Variants in MKX observed in about 807,000 individuals in gnomAD.
The protein encoded by MKX is mohawk homeobox, also known as homeobox protein Mohawk.
A neutral mutation model predicts 36.0 loss-of-function variants in MKX; 13 were observed. The observed-to-expected ratio is 0.36, with a 90% CI of 0.24 to 0.57. The LOEUF (loss-of-function observed/expected upper bound fraction) is 0.57, where lower values mean the gene tolerates loss of function less well. MKX is among the 20% of genes least tolerant of loss of function. The probability of loss-of-function intolerance (pLI) is 0.79; values close to 1 mark genes in which losing one functional copy is unlikely to be tolerated. For missense variants in MKX, 458 were observed against 456.4 expected (o/e 1.00, Z -0.03); for synonymous variants, 176 against 178.3 (o/e 0.99, Z 0.10).
At position 27,734,699 on chromosome 10, in the gene MKX, T is replaced by C. The variant is rs776101097; in HGVS notation, c.595A>G (p.Lys199Glu). 3.7e-6 allele frequency: 6 copies of C among 1,614,164 alleles called. No individual in the cohort carries two copies. The Admixed American group carries it at 1.0e-4, about 27-fold the overall frequency. ...CGTGACTCTGGCCTCACTCCCGCTT[T>C]GATGACCGAATTCTCACTTTTAATC... The part of the protein sequence containing the change: ...PVIKSENSVI[K>E]AGVRPESRAS... Residue 199 changes from lysine to glutamate, a missense_variant, in exon 5 of 7, where the codon AAA (lysine) becomes GAA (glutamate). Lys to Glu is a moderately conservative substitution (Grantham distance 56). Coordinates refer to ENST00000419761, the MANE Select transcript of MKX (RefSeq NM_173576.3).
At chr10:27,689,116 T>C (rs1398007729) in intron 5 of MKX, among the ~76,000 whole-genome samples, 2 of 152,222 alleles carry the variant, frequency 1.3e-5, no homozygotes, top group East Asian at 3.8e-4. Flanking sequence ...GCTTTTCAAA[T>C]TCCTCAAATT....
intron 5 of MKX, among the ~76,000 whole-genome samples, chr10:27,733,242 T>C (rs1227914994): frequency 6.6e-6 from 1 of 152,216 alleles, no homozygotes; most frequent in African/African-American, 2.4e-5. Flanking sequence ...TCTTTGTAGA[T>C]CATTTGTCTC....
At chr10:27,743,547 C>CCCCT in intron 1 of MKX, 50 bp from the exon 2 acceptor site, 1 of 1,010,512 alleles carries the variant, frequency 9.9e-7, no homozygotes, top group East Asian at 3.3e-5. Context: ...AGTGCTCAGA[C>CCCCT]CCCTGCAGGT....
In MKX at chr10:27,741,491, C is replaced by G. The variant is rs1239720752; in HGVS notation, c.202G>C (p.Gly68Arg). The G allele has an allele frequency of 6.3e-7, 1 of 1,592,978 alleles. No homozygotes were observed. The highest frequency in any genetic ancestry group is 8.5e-7 in the Non-Finnish European group (1 of 1,171,934). ...TGCCGCTTGTGCCTCACCTTCCCGCCATTCTGCCGGGCGCTGGGACATGGG... is the reference window on the plus strand; with the variant it reads ...TGCCGCTTGTGCCTCACCTTCCCGCGATTCTGCCGGGCGCTGGGACATGGG... Reference protein sequence around the residue: ...RHRRTGARQNGGKVRHKRQAL... With the variant: ...RHRRTGARQNRGKVRHKRQAL... Residue 68 changes from glycine to arginine, a missense_variant, in exon 3 of 7, where the codon GGC (glycine) becomes CGC (arginine). Transcript: ENST00000419761. This position sits in a 1 kb window ranked among gnomAD's most constrained non-coding sequence, Gnocchi z 5.1.
At chr10:27,724,792 C>CACACA (rs1554773421) in intron 5 of MKX, among the ~76,000 whole-genome samples, 2 of 138,018 alleles carry the variant, frequency 1.4e-5, no homozygotes, top group Admixed American at 7.1e-5. Context: ...CACACACACA[C>CACACA]CCCGCAGAAA....
At chr10:27,679,622 T>A (rs1268050278) in intron 5 of MKX, among the ~76,000 whole-genome samples, 5 of 152,154 alleles carry the variant, frequency 3.3e-5, no homozygotes, top group Non-Finnish European at 7.4e-5. Flanking sequence ...TCTGAAACAT[T>A]TGTGCTTTTT....
chr10:27,727,991 T>C (rs1052682379), intron 5 of MKX, among the ~76,000 whole-genome samples: 1 of 152,210 alleles, frequency 6.6e-6, no homozygotes, highest in Non-Finnish European at 1.5e-5. Flanking sequence ...CAGATGGCCT[T>C]TGTTAGGTAA....
At chr10:27,728,961 G>A (rs760875033) in intron 5 of MKX, among the ~76,000 whole-genome samples, 1 of 152,122 alleles carries the variant, frequency 6.6e-6, no homozygotes, top group Non-Finnish European at 1.5e-5. Context: ...ACCGCAGCAG[G>A]ACATCCAAAT....
intron 5 of MKX, 122 bp from the exon 6 acceptor site, chr10:27,675,676 C>T (rs1836134734): frequency 1.3e-5 from 13 of 1,037,542 alleles, no homozygotes; most frequent in South Asian, 3.2e-5. Flanking sequence ...AAAATTAGTT[C>T]GCTTTTAATA....
intron 5 of MKX, among the ~76,000 whole-genome samples, chr10:27,703,941 A>T (rs1289060176): frequency 6.6e-6 from 1 of 152,154 alleles, no homozygotes; most frequent in East Asian, 1.9e-4. Flanking sequence ...TTATGATGGT[A>T]GCAAAATACA....
intron 5 of MKX, among the ~76,000 whole-genome samples, chr10:27,703,599 C>G (rs543442220): frequency 6.6e-6 from 1 of 152,066 alleles, no homozygotes; most frequent in East Asian, 1.9e-4. Context: ...GAAAAATCAA[C>G]TAAAAGACTT....
At chr10:27,687,850 G>A (rs1037684096) in intron 5 of MKX, among the ~76,000 whole-genome samples, 2 of 152,194 alleles carry the variant, frequency 1.3e-5, no homozygotes, top group Admixed American at 6.5e-5. Context: ...GAGAAAGAGG[G>A]TCTGGAAATG....
At position 27,742,943 on chromosome 10, in the gene MKX, C is replaced by T. The variant is rs1340224191; in HGVS notation, c.188+285G>A. On this transcript the variant is annotated intron_variant, in intron 2 of 6. Transcript: ENST00000419761. The surrounding 1 kb of genome is among the most constrained non-coding windows in gnomAD (Gnocchi z 4.2). Reference sequence around the variant, plus strand: ...CAGTCCGGAGAGGGGCAAATAACCCCCAACTCCGAGGTCCAGGCAGCGGAG... The same window carrying T: ...CAGTCCGGAGAGGGGCAAATAACCCTCAACTCCGAGGTCCAGGCAGCGGAG... Among the ~76,000 whole-genome samples the T allele has an allele frequency of 6.6e-6, 1 of 152,254 alleles. No homozygotes were observed. The highest frequency in any genetic ancestry group is 1.5e-5 in the Non-Finnish European group (1 of 68,042).
intron 5 of MKX, among the ~76,000 whole-genome samples, chr10:27,731,133 C>CA (rs752968438): frequency 0.25 from 16,777 of 67,908 alleles, 1,323 homozygotes; most frequent in East Asian, 0.35. Context: ...GACTCCATCT[C>CA]AAAAAAAAAA....
At chr10:27,702,792 G>A (rs1001949868) in intron 5 of MKX, among the ~76,000 whole-genome samples, 1 of 152,074 alleles carries the variant, frequency 6.6e-6, no homozygotes, top group African/African-American at 2.4e-5. Flanking sequence ...GGGGTGGGCG[G>A]GGGAAAGGAA....
intron 5 of MKX, among the ~76,000 whole-genome samples, chr10:27,683,811 C>T (rs576184613): frequency 4.6e-5 from 7 of 152,288 alleles, no homozygotes; most frequent in African/African-American, 1.7e-4. Context: ...AGGTATAAAA[C>T]CTCCCTGAAG....
chr10:27,734,090 A>G (rs1372807308), intron 5 of MKX, among the ~76,000 whole-genome samples: 1 of 152,170 alleles, frequency 6.6e-6, no homozygotes, highest in East Asian at 1.9e-4. Context: ...AAGCCAGTAT[A>G]CACCCCCCTA....
Position 27,734,794 on chromosome 10 carries a change from A to G in MKX, c.503-3T>C. On this transcript the variant is annotated splice_region_variant and splice_polypyrimidine_tract_variant and intron_variant, in intron 4 of 6. Transcript: ENST00000419761. ...GGTTCTTGGAGGATTTTCTCCATCT[A>G]AAGTGGAACAGTATCACTAAGTAGG... 4 of 1,604,006 alleles carry G rather than the reference A, an allele frequency of 2.5e-6. No individual in the cohort carries two copies. Among genetic ancestry groups the G allele is most frequent in the Non-Finnish European group, 3.4e-6 (4 of 1,174,142 alleles).
Position 27,742,315 on chromosome 10 carries a change from G to A in MKX, c.189-811C>T, listed in dbSNP as rs2132656909. Among the ~76,000 whole-genome samples the A allele has an allele frequency of 6.6e-6, 1 of 152,290 alleles. No homozygotes were observed. Among genetic ancestry groups the A allele is most frequent in the East Asian group, 1.9e-4 (1 of 5,148 alleles). ...AGGTGTCGCGCGCGGCCGCCAGCGA[G>A]CCCAGCCGCTCCCCGAGGCTTGCGC... On this transcript the variant is annotated intron_variant, in intron 2 of 6. Coordinates refer to ENST00000419761, the MANE Select transcript of MKX (RefSeq NM_173576.3). The surrounding 1 kb of genome is among the most constrained non-coding windows in gnomAD (Gnocchi z 4.2).
Sources: gnomAD v4.1 joint callset for allele counts (sites outside exome capture counted in the v4.1 genomes callset) on GRCh38, gnomAD v4.1.1 for gene constraint, Gnocchi (gnomAD v3.1) non-coding constraint, MANE v1.5 for transcripts, NCBI Gene and HGNC (gene_info 2026-07-23, HGNC 2026-07-21) for gene names.